The following SGCZ variants were observed in gnomAD, a reference collection of about 807,000 sequenced individuals.
The protein encoded by SGCZ is sarcoglycan zeta, also known as zeta-sarcoglycan.
In SGCZ, 40 loss-of-function variants were observed where a neutral mutation model predicts 41.3. That is an observed-to-expected ratio of 0.97 (90% CI 0.75 to 1.26). The LOEUF is 1.26. SGCZ is among the 50% of genes most tolerant of loss of function. SGCZ has a pLI of 0.00. For synonymous variants in SGCZ, 206 were observed against 137.5 expected, an observed-to-expected ratio of 1.50 and a Z score of -3.49; for missense variants, 552 against 369.8, an observed-to-expected ratio of 1.49 and a Z score of -4.04.
chr8:15,155,975 T>C (rs1207259125), intron 1 of SGCZ, among the ~76,000 whole-genome samples: 1 of 148,528 alleles, frequency 6.7e-6, no homozygotes, highest in Non-Finnish European at 1.5e-5. Context: ...GGAGAATCGC[T>C]TGAACTTGGG....
At position 14,112,711 on chromosome 8, in the gene SGCZ, T is replaced by C. The variant is rs79219267; in HGVS notation, c.548-4476A>G. On this transcript the variant is annotated intron_variant, in intron 5 of 7. Coordinates refer to ENST00000382080, the MANE Select transcript of SGCZ (RefSeq NM_139167.4). ...CAAGTATTTAAAGCCCTTTGGTTTT[T>C]ATTTGTAAAATTAAAAACCAGATCA... is the stretch of plus-strand genomic sequence containing the variant. Among the ~76,000 whole-genome samples the C allele has an allele frequency of 2.6e-4, 39 of 152,268 alleles. No homozygotes were observed. In the East Asian group the frequency reaches 7.1e-3, roughly 28 times the overall value.
chr8:14,787,495 G>C lies in SGCZ; in HGVS notation c.40-232569C>G, dbSNP rs1800804748. Among the ~76,000 whole-genome samples the C allele has an allele frequency of 5.9e-5, 9 of 152,158 alleles. No individual in the cohort carries two copies. In the South Asian group the frequency reaches 1.9e-3, roughly 32 times the overall value. The stretch of plus-strand genomic sequence containing the variant: ...AACTTTACAAAGTGCAAGATAATTA[G>C]TTCAGTGGAATCACTCTTTAAAAAC... On this transcript the variant is annotated intron_variant, in intron 1 of 7. Transcript: ENST00000382080.
chr8:14,643,921 A>G (rs951812941), intron 1 of SGCZ, among the ~76,000 whole-genome samples: 7 of 151,758 alleles, frequency 4.6e-5, no homozygotes, highest in Non-Finnish European at 7.4e-5. Flanking sequence ...GTATAAATTA[A>G]AAATAAATAC....
At chr8:15,097,614 G>A (rs1436625413) in intron 1 of SGCZ, among the ~76,000 whole-genome samples, 3 of 151,246 alleles carry the variant, frequency 2.0e-5, no homozygotes, top group Non-Finnish European at 2.9e-5. Context: ...AAAATCAGTC[G>A]GGGCAATGTT....
At chr8:15,029,813 T>C (rs568358909) in intron 1 of SGCZ, among the ~76,000 whole-genome samples, 1 of 152,300 alleles carries the variant, frequency 6.6e-6, no homozygotes, top group East Asian at 1.9e-4. Context: ...ACAGCAAAGC[T>C]ATTATCATGC....
At chr8:14,628,777 C>T (rs1244200663) in intron 1 of SGCZ, among the ~76,000 whole-genome samples, 1 of 152,062 alleles carries the variant, frequency 6.6e-6, no homozygotes, top group East Asian at 1.9e-4. Context: ...GGTCATTTAT[C>T]TTTCCTGTAA....
chr8:14,932,033 T>C (rs1161281637), intron 1 of SGCZ, among the ~76,000 whole-genome samples: 1 of 151,956 alleles, frequency 6.6e-6, no homozygotes, highest in South Asian at 2.1e-4. Flanking sequence ...ATAAAGTATG[T>C]CCATTTTTTC....
At chr8:14,222,729 A>G (rs1168153077) in intron 4 of SGCZ, among the ~76,000 whole-genome samples, 1 of 149,416 alleles carries the variant, frequency 6.7e-6, no homozygotes, top group Non-Finnish European at 1.5e-5. Context: ...GTTCTAAACT[A>G]TTAACCAATT....
chr8:14,635,729 T>C (rs1806805633), intron 1 of SGCZ, among the ~76,000 whole-genome samples: 1 of 151,788 alleles, frequency 6.6e-6, no homozygotes, highest in South Asian at 2.1e-4. Context: ...CTGACAGCAA[T>C]GGGTTCAGTA....
intron 1 of SGCZ, among the ~76,000 whole-genome samples, chr8:14,943,724 A>G (rs4831318): frequency 0.039 from 5,882 of 152,142 alleles, 360 homozygotes; most frequent in African/African-American, 0.13. Flanking sequence ...ATCCTCTCCC[A>G]TCTTCCAAAC....
intron 1 of SGCZ, among the ~76,000 whole-genome samples, chr8:14,671,308 C>T (rs1401263016): frequency 2.6e-5 from 4 of 152,230 alleles, no homozygotes; most frequent in African/African-American, 9.6e-5. Flanking sequence ...AATTGGGCTT[C>T]AACTTTGGAG....
chr8:14,583,641 C>G (rs532169948), intron 1 of SGCZ, among the ~76,000 whole-genome samples: 1 of 152,150 alleles, frequency 6.6e-6, no homozygotes, highest in East Asian at 1.9e-4. Flanking sequence ...GGTTTTAGGA[C>G]TAACGTTTAA....
chr8:15,120,773 T>C (rs1246355260), intron 1 of SGCZ, among the ~76,000 whole-genome samples: 3 of 152,220 alleles, frequency 2.0e-5, no homozygotes, highest in African/African-American at 4.8e-5. Flanking sequence ...CAAAGGACCA[T>C]TTTGTTGATT....
rs1018572141 is a variant in SGCZ at position 14,647,396 on chromosome 8, G to T, written c.40-92470C>A. On this transcript the variant is annotated intron_variant, in intron 1 of 7. Coordinates refer to ENST00000382080, the MANE Select transcript of SGCZ (RefSeq NM_139167.4). ...CATTAGTAAAAGTTATAAATAGGAAGAAAAGACTAAAAGTTTATTTCACTG... is the reference window on the plus strand; with the variant it reads ...CATTAGTAAAAGTTATAAATAGGAATAAAAGACTAAAAGTTTATTTCACTG... Among the ~76,000 whole-genome samples the T allele has an allele frequency of 2.6e-5, 4 of 152,020 alleles. No individual in the cohort carries two copies. The South Asian group carries it at 8.3e-4, about 31-fold the overall frequency.
At chr8:14,906,857 T>C (rs1022643562) in intron 1 of SGCZ, among the ~76,000 whole-genome samples, 41 of 152,204 alleles carry the variant, frequency 2.7e-4, no homozygotes, top group Non-Finnish European at 1.5e-5. Flanking sequence ...AAGGAGTATA[T>C]ATCACAGATA....
At chr8:14,964,619 G>C (rs1055326162) in intron 1 of SGCZ, among the ~76,000 whole-genome samples, 15 of 152,164 alleles carry the variant, frequency 9.9e-5, no homozygotes, top group African/African-American at 3.6e-4. Flanking sequence ...TTTGCAATGG[G>C]ATAACCCTGA....
rs147069641 is a variant in SGCZ, at chr8:14,199,745, C to T, written c.425-35043G>A. On this transcript the variant is annotated intron_variant, in intron 4 of 7. Coordinates refer to ENST00000382080, the MANE Select transcript of SGCZ (RefSeq NM_139167.4). Reference sequence around the variant, plus strand: ...TGAAATATCAGGAGTGAATTTCCCCCGATATATTCTAACAATGTTAAGTGA... The same window carrying T: ...TGAAATATCAGGAGTGAATTTCCCCTGATATATTCTAACAATGTTAAGTGA... Among the ~76,000 whole-genome samples, 431 of 151,976 alleles carry T rather than the reference C, an allele frequency of 2.8e-3. 4 individuals carry two copies. Among genetic ancestry groups the T allele is most frequent in the African/African-American group, 9.8e-3 (405 of 41,426 alleles).
chr8:14,327,022 C>G (rs1802143783), intron 2 of SGCZ, among the ~76,000 whole-genome samples: 1 of 152,088 alleles, frequency 6.6e-6, no homozygotes, highest in South Asian at 2.1e-4. Context: ...AAATGACTAA[C>G]CATTATTTTT....
chr8:14,302,401 A>C (rs1424091621), intron 3 of SGCZ, among the ~76,000 whole-genome samples: 1 of 152,164 alleles, frequency 6.6e-6, no homozygotes, highest in Non-Finnish European at 1.5e-5. Context: ...TCTTTCAGAG[A>C]AGCTTCTATC....
Sources: gnomAD v4.1 joint callset for allele counts (sites outside exome capture counted in the v4.1 genomes callset) on GRCh38, gnomAD v4.1.1 for gene constraint, MANE v1.5 for transcripts, NCBI Gene and HGNC (gene_info 2026-07-23, HGNC 2026-07-21) for gene names.